CLTCL1: variants seen among roughly 807,000 people sequenced by gnomAD.
CLTCL1 encodes clathrin heavy chain like 1, also known as clathrin heavy chain 2.
A neutral mutation model predicts 190.0 loss-of-function variants in CLTCL1; 159 were observed. That is an observed-to-expected ratio of 0.84 (90% CI 0.74 to 0.95). The LOEUF (loss-of-function observed/expected upper bound fraction) is 0.95. Ranked by LOEUF, CLTCL1 falls within the 40% of genes least tolerant of loss-of-function variation. CLTCL1 has a pLI of 0.00. For synonymous variants in CLTCL1, 752 were observed against 769.6 expected, an observed-to-expected ratio of 0.98 and a Z score of 0.38; for missense variants, 1,878 against 2,033.4, an observed-to-expected ratio of 0.92 and a Z score of 1.47.
chr22:19,220,699 C>A (rs538703163), intron 17 of CLTCL1, among the ~76,000 whole-genome samples: 1 of 152,178 alleles, frequency 6.6e-6, no homozygotes, highest in Non-Finnish European at 1.5e-5. Context: ...CAGCGCAGTC[C>A]GCCTGTGTAT....
At chr22:19,257,920 T>C in intron 2 of CLTCL1, 1 of 1,210,588 alleles carries the variant, frequency 8.3e-7, no homozygotes, top group Admixed American at 1.9e-5. Context: ...TCAAGACCAC[T>C]GAGAAGCTGA....
In CLTCL1 at chr22:19,275,720, CGT is replaced by C. The variant is rs2087479094; in HGVS notation, c.151_152del (p.Thr51AspfsTer3). On this transcript the variant is annotated frameshift_variant, in exon 2 of 33. Coordinates refer to ENST00000427926, the MANE Select transcript of CLTCL1 (RefSeq NM_007098.4). LOFTEE classifies it high-confidence loss of function. ...REKVGEQAQV[T>X]IIDMSDPMAP... ...CCATTGGGTCACTCATGTCAATGAT[CGT>C]GACCTGTGCCTGCTCACCAACTTTC... 2.5e-6 allele frequency: 4 copies of C among 1,607,376 alleles called. No individual in the cohort carries two copies.
intron 4 of CLTCL1, among the ~76,000 whole-genome samples, chr22:19,239,849 G>A (rs924942909): frequency 1.3e-5 from 2 of 152,172 alleles, no homozygotes; most frequent in Non-Finnish European, 1.5e-5. Flanking sequence ...TGTGCTGGGC[G>A]GGGGTAAGAA....
chr22:19,253,817 C>T (rs926535140), intron 3 of CLTCL1, 142 bp downstream of exon 3: 16 of 962,072 alleles, frequency 1.7e-5, no homozygotes, highest in East Asian at 5.3e-5. Context: ...CCTCCCGCCT[C>T]GGCCTCCCAA....
chr22:19,233,372 C>A, intron 8 of CLTCL1, 50 bp downstream of exon 8: 1 of 1,610,558 alleles, frequency 6.2e-7, no homozygotes, highest in Non-Finnish European at 8.5e-7. Flanking sequence ...GGAGCCTGGA[C>A]CAAGTTTTCA....
chr22:19,271,628 A>T (rs1336601819), intron 2 of CLTCL1, among the ~76,000 whole-genome samples: 1 of 152,148 alleles, frequency 6.6e-6, no homozygotes, highest in Admixed American at 6.5e-5. Flanking sequence ...TTTTCTTCAT[A>T]AATTATCCTG....
chr22:19,199,703 T>C (rs1555937908), intron 24 of CLTCL1, 31 bp downstream of exon 24: 1 of 1,526,182 alleles, frequency 6.6e-7, no homozygotes, highest in South Asian at 1.2e-5. Flanking sequence ...TCACTTGTCA[T>C]CTGCATTACC....
In CLTCL1 at chr22:19,198,949, C is replaced by A. The variant is rs1021327312; in HGVS notation, c.3873+785G>T. On this transcript the variant is annotated intron_variant, in intron 24 of 32. Transcript: ENST00000427926. This position sits in a 1 kb window ranked among gnomAD's most constrained non-coding sequence, Gnocchi z 4.1. ...CACCCTCCCTGTTGGCTTTCCAGTTCATTTCTCAGGCGCCTCTCTGGGGGT... is the reference window on the plus strand; with the variant it reads ...CACCCTCCCTGTTGGCTTTCCAGTTAATTTCTCAGGCGCCTCTCTGGGGGT... Among the ~76,000 whole-genome samples the A allele has an allele frequency of 3.3e-5, 5 of 152,142 alleles. No homozygotes were observed. The highest frequency in any genetic ancestry group is 7.4e-5 in the Non-Finnish European group (5 of 68,026).
At chr22:19,289,405 G>T (rs1555991981) in intron 1 of CLTCL1, among the ~76,000 whole-genome samples, 1 of 152,200 alleles carries the variant, frequency 6.6e-6, no homozygotes, top group African/African-American at 2.4e-5. Context: ...GAGACAGAAT[G>T]TGGCCCTTAC....
rs782569509 is a variant in CLTCL1 at position 19,232,544 on chromosome 22, G to T, written c.1576C>A (p.Pro526Thr). ...CGAGAAAACTGCAGGCCCTGTTCCG[G>T]ACTGATCTTCATTACACCCCTCAGC... ...FLLRGVMKIS[P>T]EQGLQFSRML... is the part of the protein sequence containing the mutation. The change falls in exon 10 of 33, where the codon CCG becomes ACG. Residue 526 changes from proline (P) to threonine (T), a missense_variant. Physicochemically the swap from Pro to Thr is conservative, Grantham distance 38. Transcript: ENST00000427926. 6.2e-7 allele frequency: 1 copy of T among 1,613,932 alleles called. No individual in the cohort carries two copies.
intron 2 of CLTCL1, among the ~76,000 whole-genome samples, chr22:19,261,312 G>A (rs1019999502): frequency 2.0e-5 from 3 of 152,034 alleles, no homozygotes; most frequent in Non-Finnish European, 2.9e-5. Flanking sequence ...GGGTTTCACC[G>A]TGTTAGCCAG....
At chr22:19,224,587 G>A (rs987352677) in intron 13 of CLTCL1, among the ~76,000 whole-genome samples, 2 of 152,212 alleles carry the variant, frequency 1.3e-5, no homozygotes, top group East Asian at 1.9e-4. Context: ...GTAACAACAG[G>A]GTACGACACA....
In CLTCL1 at chr22:19,227,190, A is replaced by G. The variant is rs5993562; in HGVS notation, c.1783-807T>C. ...CCATTTGTGCTTACTAGACTTCTCT[A>G]CTAGGCTAAATACAGAACTAGGAGT... On this transcript the variant is annotated intron_variant, in intron 11 of 32. Coordinates refer to ENST00000427926, the MANE Select transcript of CLTCL1 (RefSeq NM_007098.4). Among the ~76,000 whole-genome samples, 723 of 152,046 alleles carry G rather than the reference A, an allele frequency of 4.8e-3. 5 individuals are homozygous for G. The highest frequency in any genetic ancestry group is 0.016 in the African/African-American group (683 of 41,458).
At chr22:19,224,223 G>T (rs537038345) in intron 13 of CLTCL1, among the ~76,000 whole-genome samples, 169 bp from the exon 14 acceptor site, 13 of 152,258 alleles carry the variant, frequency 8.5e-5, no homozygotes, top group African/African-American at 2.9e-4. Flanking sequence ...CCCAAAAATA[G>T]CTAGTCGGAT....
At chr22:19,287,183 T>C (rs1555990579) in intron 1 of CLTCL1, among the ~76,000 whole-genome samples, 1 of 152,180 alleles carries the variant, frequency 6.6e-6, no homozygotes, top group African/African-American at 2.4e-5. Context: ...ACTCTCACAT[T>C]TGAATATTTC....
chr22:19,244,874 T>TGCTA (rs1555967276), intron 3 of CLTCL1, among the ~76,000 whole-genome samples: 2 of 152,210 alleles, frequency 1.3e-5, no homozygotes, highest in Non-Finnish European at 2.9e-5. Context: ...CCAGGCACCA[T>TGCTA]GCTAGGGGCC....
chr22:19,208,253 G>A lies in CLTCL1; in HGVS notation c.3501C>T (p.Ser1167=), dbSNP rs1405876231. The A allele has an allele frequency of 1.9e-6, 3 of 1,613,616 alleles. No homozygotes were observed. The highest frequency in any genetic ancestry group is 2.7e-5 in the African/African-American group (2 of 74,888). ...CAAAAATAAGTTCAGTCTCTATATA[G>A]GACTCACGGCCCTTTTTCCTGGCCA... ...LQMARKKGRE[S]YIETELIFAL... The change falls in exon 22 of 33, where the codon TCC becomes TCT. Residue 1167 remains serine (S), a synonymous_variant. Transcript: ENST00000427926.
At chr22:19,217,960 C>T (rs528355758) in intron 18 of CLTCL1, among the ~76,000 whole-genome samples, 1 of 152,038 alleles carries the variant, frequency 6.6e-6, no homozygotes, top group Non-Finnish European at 1.5e-5. Flanking sequence ...TGAGTCAATA[C>T]AGGATGCCCC....
At chr22:19,180,910 G>A (rs781997587) in intron 30 of CLTCL1, 104 bp from the exon 31 acceptor site, 1 of 939,636 alleles carries the variant, frequency 1.1e-6, no homozygotes, top group Non-Finnish European at 1.7e-6. Context: ...CCAGGAGAAT[G>A]ACAGTGGAGG....
Sources: allele counts gnomAD v4.1 joint callset (sites outside exome capture counted in the v4.1 genomes callset), GRCh38; gene constraint gnomAD v4.1.1; non-coding constraint Gnocchi (gnomAD v3.1); transcripts MANE v1.5; gene names NCBI Gene and HGNC (gene_info 2026-07-23, HGNC 2026-07-21).